The following PARVB variants were observed in gnomAD, a reference collection of about 807,000 sequenced individuals.
PARVB encodes the protein parvin beta.
A neutral mutation model predicts 47.0 loss-of-function variants in PARVB; 46 were observed. The observed-to-expected ratio is 0.98, with a 90% CI of 0.77 to 1.25. PARVB has a LOEUF of 1.25. Ranked by LOEUF, PARVB falls within the 50% of genes most tolerant of loss-of-function variation. The pLI is 0.00. For synonymous variants in PARVB, 196 were observed against 196.3 expected (o/e 1.00, Z 0.01); for missense variants, 473 against 471.6 (o/e 1.00, Z -0.03).
At chr22:44,154,720 A>G (rs1483717537) in intron 10 of PARVB, among the ~76,000 whole-genome samples, 1 of 97,890 alleles carries the variant, frequency 1.0e-5, no homozygotes, top group Admixed American at 1.2e-4. Context: ...TGTGTGGTTA[A>G]GTAGTCTGTG....
chr22:44,128,325 G>T (rs139059472), intron 4 of PARVB, among the ~76,000 whole-genome samples: 1 of 152,176 alleles, frequency 6.6e-6, no homozygotes, highest in African/African-American at 2.4e-5. Flanking sequence ...CCCCCATGTG[G>T]CCATCACTCA....
In PARVB at chr22:44,103,065, C is replaced by CCA. The variant is rs1407218460; in HGVS notation, c.273+2944_273+2945dup. ...ATGTTCCTCCTGGATGTCTGCAGTG[C>CCA]CACCCACCCCTGCCTTTGCTGCTTT... On this transcript the variant is annotated intron_variant, in intron 3 of 12. Coordinates refer to ENST00000338758, the MANE Select transcript of PARVB (RefSeq NM_013327.5). This position sits in a 1 kb window ranked among gnomAD's most constrained non-coding sequence, Gnocchi z 4.6. 6.6e-6 allele frequency: 1 copy of CCA among 152,348 alleles called. No homozygotes were observed. The highest frequency in any genetic ancestry group is 1.5e-5 in the Non-Finnish European group (1 of 68,158). The allele number at this position is 152,348 out of a possible 1,614,324, so 9.4% of individuals were successfully genotyped here.
At chr22:44,123,986 C>T (rs2053131143) in intron 4 of PARVB, among the ~76,000 whole-genome samples, 5 of 152,202 alleles carry the variant, frequency 3.3e-5, no homozygotes, top group Admixed American at 3.3e-4. Flanking sequence ...AAATAAATGC[C>T]AAGAGCAGAA....
chr22:44,021,756 G>GACAC (rs1315040117), upstream of PARVB, among the ~76,000 whole-genome samples: 196 of 105,092 alleles, frequency 1.9e-3, 1 homozygote, highest in African/African-American at 5.2e-3. Flanking sequence ...GTAAAGTCTA[G>GACAC]ACTCACACAC....
At chr22:44,032,348 T>C (rs953239669) in intron 1 of PARVB, among the ~76,000 whole-genome samples, 5 of 152,210 alleles carry the variant, frequency 3.3e-5, no homozygotes, top group Non-Finnish European at 1.5e-5. Context: ...CCTCCTCTGA[T>C]GTTCTGACTA....
At chr22:44,165,229 C>T (rs77564353) in intron 12 of PARVB, among the ~76,000 whole-genome samples, 5,611 of 152,278 alleles carry the variant, frequency 0.037, 352 homozygotes, top group African/African-American at 0.13. Flanking sequence ...AACTTCTGGG[C>T]TCAAGCGATT....
Position 44,026,347 on chromosome 22 carries a change from C to G in PARVB, c.112+1896C>G, listed in dbSNP as rs539332240. ...GGAGGCAGGAGGAGGAGCAGGACGC[C>G]GGGCACTGCTGATGCTGCTTTCGCT... On this transcript the variant is annotated intron_variant, in intron 1 of 12. Transcript: ENST00000338758. The G allele has an allele frequency of 1.5e-5, 15 of 985,516 alleles. No individual in the cohort carries two copies. The East Asian group carries it at 1.4e-3, about 89-fold the overall frequency. 61.0% of individuals were successfully genotyped at this position (985,516 alleles called of 1,614,324 possible).
At chr22:44,026,327 CAGG>C in intron 1 of PARVB, 1 of 985,476 alleles carries the variant, frequency 1.0e-6, no homozygotes, top group Non-Finnish European at 1.2e-6. Context: ...GGCGTGGAGG[CAGG>C]AGGAGGAGCA....
intron 4 of PARVB, among the ~76,000 whole-genome samples, chr22:44,122,584 G>C (rs531233700): frequency 0.043 from 5,478 of 127,004 alleles, 332 homozygotes; most frequent in African/African-American, 0.066. Context: ...GAGAGAGAGA[G>C]AGAGAGAGAG....
At chr22:44,090,375 G>A (rs2052136938) in intron 1 of PARVB, among the ~76,000 whole-genome samples, 2 of 152,206 alleles carry the variant, frequency 1.3e-5, no homozygotes, top group Non-Finnish European at 2.9e-5. Flanking sequence ...AGAATGCGCT[G>A]CTGAGCAGTC....
intron 1 of PARVB, among the ~76,000 whole-genome samples, chr22:44,029,061 G>A (rs1404215602): frequency 6.6e-6 from 1 of 152,168 alleles, no homozygotes; most frequent in African/African-American, 2.4e-5. Context: ...CTGGCTCACT[G>A]CAGCCTCAAT....
At chr22:44,112,521 CT>C in intron 3 of PARVB, 1 of 152,864 alleles carries the variant, frequency 6.5e-6, no homozygotes, top group Non-Finnish European at 1.5e-5. Context: ...CGTCCTCACC[CT>C]TTTCTGTCTC....
chr22:44,107,262 A>G (rs1601610586), intron 3 of PARVB: 1 of 152,354 alleles, frequency 6.6e-6, no homozygotes, highest in Non-Finnish European at 1.5e-5. Flanking sequence ...TGAATTACTT[A>G]TGGGTGAACA....
At chr22:44,004,272 C>T (rs577709478) in intron 2 of PARVB, among the ~76,000 whole-genome samples, 7 of 152,292 alleles carry the variant, frequency 4.6e-5, no homozygotes, top group South Asian at 2.1e-4. Flanking sequence ...CCAGGTCGCG[C>T]GCGAAGTCAG....
At chr22:44,098,212 C>T (rs562175324) in intron 2 of PARVB, among the ~76,000 whole-genome samples, 15 of 152,284 alleles carry the variant, frequency 9.9e-5, no homozygotes, top group East Asian at 3.9e-4. Flanking sequence ...GCTCACTCTC[C>T]GTCCTGCACC....
intron 3 of PARVB, chr22:44,104,309 A>G (rs2052519718): frequency 6.6e-6 from 1 of 152,140 alleles, no homozygotes; most frequent in Non-Finnish European, 1.5e-5. Flanking sequence ...ACTCTTGATC[A>G]ATCATTTTCC....
chr22:44,056,112 G>A (rs186626635), intron 1 of PARVB, among the ~76,000 whole-genome samples: 38 of 152,310 alleles, frequency 2.5e-4, no homozygotes, highest in African/African-American at 8.7e-4. Flanking sequence ...AGTTTTGCCC[G>A]ACTTTGACCC....
chr22:44,061,539 A>G (rs1442618024), intron 1 of PARVB, among the ~76,000 whole-genome samples: 1 of 152,218 alleles, frequency 6.6e-6, no homozygotes, highest in Non-Finnish European at 1.5e-5. Flanking sequence ...TGAAATGGAC[A>G]CTTGTTTATG....
chr22:44,168,613 T>G lies in PARVB; in HGVS notation c.1030T>G (p.Leu344Val). 6.2e-7 allele frequency: 1 copy of G among 1,612,118 alleles called. No individual in the cohort carries two copies. Among genetic ancestry groups the G allele is most frequent in the Non-Finnish European group, 8.5e-7 (1 of 1,178,240 alleles). ...PKARPEDVVN[L>V]DLKSTLRVLY... Reference sequence around the variant, plus strand: ...GTTTCCTTCTGCAGACGTGGTTAACTTGGACCTCAAATCCACCCTGAGGGT... The same window carrying G: ...GTTTCCTTCTGCAGACGTGGTTAACGTGGACCTCAAATCCACCCTGAGGGT... The change falls in exon 13 of 13, where the codon TTG (leucine) becomes GTG (valine). Residue 344 changes from leucine to valine, a missense_variant. Leu to Val is a conservative substitution (Grantham distance 32, BLOSUM62 1). Coordinates refer to ENST00000338758, the MANE Select transcript of PARVB (RefSeq NM_013327.5).
Sources: gnomAD v4.1 joint callset for allele counts (sites outside exome capture counted in the v4.1 genomes callset) on GRCh38, gnomAD v4.1.1 for gene constraint, Gnocchi (gnomAD v3.1) non-coding constraint, MANE v1.5 for transcripts, NCBI Gene and HGNC (gene_info 2026-07-23, HGNC 2026-07-21) for gene names.